Variants in ATF6 observed in about 807,000 individuals in gnomAD.
ATF6 encodes the protein cyclic AMP-dependent transcription factor ATF-6 alpha.
A neutral mutation model predicts 83.6 loss-of-function variants in ATF6; 53 were observed. The ratio of observed to expected loss-of-function variants is 0.63; its 90% CI spans 0.51 to 0.80. The LOEUF (loss-of-function observed/expected upper bound fraction) is 0.80. Ranked by LOEUF, ATF6 falls within the 30% of genes least tolerant of loss-of-function variation. The pLI is 0.00. For missense variants in ATF6, 744 were observed against 797.9 expected (o/e 0.93, Z 0.81); for synonymous variants, 288 against 285.8 (o/e 1.01, Z -0.08).
At chr1:161,805,700 T>A (rs1571146601) in intron 7 of ATF6, among the ~76,000 whole-genome samples, 1 of 152,184 alleles carries the variant, frequency 6.6e-6, no homozygotes, top group East Asian at 1.9e-4. Flanking sequence ...TCCTATTAAA[T>A]TAGGATAAAT....
At chr1:161,893,387 A>C (rs1687599603) in intron 14 of ATF6, among the ~76,000 whole-genome samples, 1 of 152,042 alleles carries the variant, frequency 6.6e-6, no homozygotes, top group Non-Finnish European at 1.5e-5. Context: ...GCTGGTCTCA[A>C]ACTCCTGACC....
At chr1:161,828,808 C>T (rs752323861) in intron 9 of ATF6, among the ~76,000 whole-genome samples, 12 of 152,150 alleles carry the variant, frequency 7.9e-5, no homozygotes, top group Non-Finnish European at 1.5e-4. Flanking sequence ...TGCCTGTAGG[C>T]ACCTGAGGGA....
chr1:161,822,052 G>A (rs967567327), intron 9 of ATF6, among the ~76,000 whole-genome samples: 2 of 152,220 alleles, frequency 1.3e-5, no homozygotes, highest in Middle Eastern at 3.4e-3. Context: ...TGTCATCGGA[G>A]GAAGCAAACA....
intron 13 of ATF6, among the ~76,000 whole-genome samples, chr1:161,860,523 A>G (rs1030680346): frequency 2.0e-5 from 3 of 151,846 alleles, no homozygotes; most frequent in Admixed American, 2.0e-4. Flanking sequence ...TTTAGTCAGA[A>G]TGCTGTTCCA....
chr1:161,876,387 AT>A (rs1687217276), intron 14 of ATF6, among the ~76,000 whole-genome samples: 1 of 152,000 alleles, frequency 6.6e-6, no homozygotes, highest in Non-Finnish European at 1.5e-5. Context: ...AGCAAGGTCG[AT>A]TATCCACAAT....
intron 1 of ATF6, among the ~76,000 whole-genome samples, chr1:161,774,279 T>A (rs1056251379): frequency 6.6e-6 from 1 of 152,080 alleles, no homozygotes; most frequent in Non-Finnish European, 1.5e-5. Context: ...TCAGCAGCTC[T>A]GTTGGAAATA....
At chr1:161,816,028 G>T (rs889561440) in intron 7 of ATF6, among the ~76,000 whole-genome samples, 5 of 152,224 alleles carry the variant, frequency 3.3e-5, no homozygotes, top group African/African-American at 1.2e-4. Flanking sequence ...AAAGGAACTT[G>T]TCCATTTGTG....
chr1:161,949,086 C>A (rs1245799801), intron 15 of ATF6, among the ~76,000 whole-genome samples: 1 of 152,124 alleles, frequency 6.6e-6, no homozygotes, highest in African/African-American at 2.4e-5. Context: ...TATAGGACAA[C>A]CTGTCTCTCC....
intron 7 of ATF6, among the ~76,000 whole-genome samples, chr1:161,817,607 G>A (rs1571157665): frequency 6.6e-6 from 1 of 151,958 alleles, no homozygotes; most frequent in African/African-American, 2.4e-5. Context: ...ACAGATGATG[G>A]TTTCACAAAA....
Position 161,959,226 on chromosome 1 carries a change from G to T in ATF6, c.*572G>T, listed in dbSNP as rs1689030262. ...AAACAATTTGGAGCTTTAGATAAAA[G>T]GAAAAACTCCCAGTTGGTAAAGTTT... On this transcript the variant is annotated 3_prime_UTR_variant, in exon 16 of 16. Transcript: ENST00000367942. 1 of 152,278 alleles carries T rather than the reference G, an allele frequency of 6.6e-6. No individual in the cohort carries two copies. The highest frequency in any genetic ancestry group is 1.5e-5 in the Non-Finnish European group (1 of 68,034). 9.4% of individuals were successfully genotyped at this position (152,278 alleles called of 1,614,324 possible).
intron 9 of ATF6, among the ~76,000 whole-genome samples, chr1:161,824,221 C>G (rs1208408499): frequency 6.6e-6 from 1 of 152,084 alleles, no homozygotes; most frequent in Non-Finnish European, 1.5e-5. Context: ...ACACTCTAAG[C>G]CTGCTAGCAC....
intron 14 of ATF6, among the ~76,000 whole-genome samples, chr1:161,874,134 T>C (rs184486396): frequency 6.6e-6 from 1 of 151,762 alleles, no homozygotes; most frequent in Admixed American, 6.6e-5. Flanking sequence ...AGTAAGAATT[T>C]CTCTGGGTTT....
rs916751117 is a variant in ATF6 at position 161,791,620 on chromosome 1, A to C, written c.484+83A>C. ...TTTCTTAAAAGAAAATGCTGGATTA[A>C]ATTTATGTTTATTAGGCTGGCTTGC... On this transcript the variant is annotated intron_variant, in intron 5 of 15. Coordinates refer to ENST00000367942, the MANE Select transcript of ATF6 (RefSeq NM_007348.4). 3.5e-6 allele frequency: 5 copies of C among 1,444,898 alleles called. No individual in the cohort carries two copies. In the African/African-American group the frequency reaches 7.2e-5, roughly 21 times the overall value. The allele number at this position is 1,444,898 out of a possible 1,614,324, so 89.5% of individuals were successfully genotyped here. A position where few individuals can be genotyped will look rare whatever the true frequency, so the allele number is the denominator to read the frequency against.
At chr1:161,852,232 A>AT (rs915305827) in intron 11 of ATF6, among the ~76,000 whole-genome samples, 20 of 151,576 alleles carry the variant, frequency 1.3e-4, no homozygotes, top group African/African-American at 4.6e-4. Context: ...TTTCCCTTGA[A>AT]TTTTTTTTTC....
rs10645413 is a variant in ATF6, at chr1:161,842,502, G to GTATA, written c.1188-3939_1188-3936dup. ...TCAACAAGTGGATAAAGAAACTGTGGTATATATATATGATGGAATACTACT... is the reference window on the plus strand; with the variant it reads ...TCAACAAGTGGATAAAGAAACTGTGGTATATATATATATATGATGGAATACTACT... On this transcript the variant is annotated intron_variant, in intron 9 of 15. Transcript: ENST00000367942. Among the ~76,000 whole-genome samples the GTATA allele has an allele frequency of 3.9e-5, 6 of 152,036 alleles. No homozygotes were observed. The South Asian group carries it at 8.3e-4, about 21-fold the overall frequency.
At chr1:161,843,964 TCA>T in intron 9 of ATF6, among the ~76,000 whole-genome samples, 1 of 152,142 alleles carries the variant, frequency 6.6e-6, no homozygotes, top group East Asian at 1.9e-4. Flanking sequence ...TTACACAAAT[TCA>T]GAGTTGAGGT....
intron 4 of ATF6, among the ~76,000 whole-genome samples, chr1:161,788,982 T>C (rs1684810691): frequency 6.6e-6 from 1 of 152,130 alleles, no homozygotes; most frequent in Non-Finnish European, 1.5e-5. Context: ...ATTTATTTAT[T>C]TGTTTTATTT....
chr1:161,895,938 A>T (rs908724590), intron 14 of ATF6, among the ~76,000 whole-genome samples: 4 of 152,192 alleles, frequency 2.6e-5, no homozygotes, highest in African/African-American at 7.2e-5. Context: ...AGGCATTTTT[A>T]AAAAATTACT....
At chr1:161,898,919 C>A (rs901963752) in intron 14 of ATF6, among the ~76,000 whole-genome samples, 7 of 151,966 alleles carry the variant, frequency 4.6e-5, no homozygotes, top group Non-Finnish European at 1.5e-5. Flanking sequence ...TTTTATTCAC[C>A]CTTTTTCCAT....
Sources: allele counts gnomAD v4.1 joint callset (sites outside exome capture counted in the v4.1 genomes callset), GRCh38; gene constraint gnomAD v4.1.1; transcripts MANE v1.5; gene names NCBI Gene and HGNC (gene_info 2026-07-23, HGNC 2026-07-21).